Variants in GALNT3 observed in about 807,000 individuals in gnomAD.
GALNT3 encodes the protein GalNAc transferase 3.
A neutral mutation model predicts 69.8 loss-of-function variants in GALNT3; 51 were observed. The ratio of observed to expected loss-of-function variants is 0.73; its 90% CI spans 0.58 to 0.92. The LOEUF (loss-of-function observed/expected upper bound fraction) is 0.92, where lower values mean the gene tolerates loss of function less well. Ranked by LOEUF, GALNT3 falls within the 40% of genes least tolerant of loss-of-function variation. The probability of loss-of-function intolerance (pLI) is 0.00; values close to 1 mark genes in which losing one functional copy is unlikely to be tolerated. For missense variants in GALNT3, 711 were observed against 760.0 expected, an observed-to-expected ratio of 0.94 and a Z score of 0.76; for synonymous variants, 265 against 248.5, an observed-to-expected ratio of 1.07 and a Z score of -0.63.
chr2:165,793,923 G>C (rs914627414), intron 1 of GALNT3, 92 bp downstream of exon 1: 2 of 124,760 alleles, frequency 1.6e-5, no homozygotes, highest in African/African-American at 5.4e-5. Flanking sequence ...CCGTAGCCCT[G>C]TCCCCAACAC....
chr2:165,763,365 C>G (rs891861953), intron 3 of GALNT3, among the ~76,000 whole-genome samples: 1 of 152,062 alleles, frequency 6.6e-6, no homozygotes, highest in African/African-American at 2.4e-5. Flanking sequence ...GTTAAGAGAG[C>G]TGCTTATTTA....
chr2:165,770,540 C>T lies in GALNT3; in HGVS notation c.161G>A (p.Arg54Lys), dbSNP rs1489357988. ...QYSKEESRME[R>K]NMKNKNKMLD... ...CATCTTGTTTTTGTTTTTCATGTTC[C>T]TTTCCATCCTTGATTCCTCTTTGGA... Residue 54 changes from arginine (R) to lysine (K), a missense_variant, in exon 2 of 11, where the codon AGG becomes AAG. Coordinates refer to ENST00000392701, the MANE Select transcript of GALNT3 (RefSeq NM_004482.4). 2 of 1,613,962 alleles carry T rather than the reference C, an allele frequency of 1.2e-6. No homozygotes were observed. Among genetic ancestry groups the T allele is most frequent in the South Asian group, 1.1e-5 (1 of 91,056 alleles).
In GALNT3 at chr2:165,757,330, A is replaced by C. The variant is rs745875008; in HGVS notation, c.1192-83T>G. 291 of 1,328,056 alleles carry C rather than the reference A, an allele frequency of 2.2e-4. 2 individuals are homozygous for C. The highest frequency in any genetic ancestry group is 2.3e-4 in the Admixed American group (13 of 55,568). The allele number at this position is 1,328,056 out of a possible 1,614,324, so 82.3% of individuals were successfully genotyped here. On this transcript the variant is annotated intron_variant, in intron 6 of 10. Coordinates refer to ENST00000392701, the MANE Select transcript of GALNT3 (RefSeq NM_004482.4). ...CTTTTAAGTTCACCTTTAAGGTATT[A>C]TGAAAAACAAAATTAGAGAAGAGAT... is the stretch of plus-strand genomic sequence containing the variant.
intron 2 of GALNT3, among the ~76,000 whole-genome samples, chr2:165,769,481 C>T (rs1204941867): frequency 1.3e-5 from 2 of 150,452 alleles, no homozygotes; most frequent in Non-Finnish European, 3.0e-5. Context: ...GGGCCAGGTG[C>T]AATGGCTCAT....
Position 165,754,703 on chromosome 2 carries a change from C to A in GALNT3, c.1550G>T (p.Cys517Phe). The A allele has an allele frequency of 1.2e-6, 2 of 1,613,170 alleles. No homozygotes were observed. The highest frequency in any genetic ancestry group is 1.7e-6 in the Non-Finnish European group (2 of 1,179,478). The change falls in exon 9 of 11, where the codon TGT becomes TTT. Residue 517 changes from cysteine (C) to phenylalanine (F), a missense_variant. By Grantham distance (205) the Cys-to-Phe change is radical. Transcript: ENST00000392701. ...TTGATTGTTTTCTCCAACATCCAGACATAGAGGCTGACCAACGCTTTTAAT... is the reference window on the plus strand; with the variant it reads ...TTGATTGTTTTCTCCAACATCCAGAAATAGAGGCTGACCAACGCTTTTAAT... ...GYIKSVGQPL[C>F]LDVGENNQGG... is the part of the protein sequence containing the mutation.
At chr2:165,779,573 A>G (rs1017084757) in intron 1 of GALNT3, among the ~76,000 whole-genome samples, 1 of 152,202 alleles carries the variant, frequency 6.6e-6, no homozygotes, top group African/African-American at 2.4e-5. Flanking sequence ...TACTCCTTAA[A>G]TTCTGTCACA....
chr2:165,785,849 C>T (rs1047956855), intron 1 of GALNT3, among the ~76,000 whole-genome samples: 1 of 152,034 alleles, frequency 6.6e-6, no homozygotes, highest in Non-Finnish European at 1.5e-5. Context: ...TTATGTTAGA[C>T]TACATGGAAA....
intron 4 of GALNT3, among the ~76,000 whole-genome samples, chr2:165,760,629 C>A (rs1356869618): frequency 6.6e-6 from 1 of 152,150 alleles, no homozygotes; most frequent in African/African-American, 2.4e-5. Flanking sequence ...CTTTAGTGTT[C>A]TCTTCATTTT....
At chr2:165,785,073 T>A (rs1050102259) in intron 1 of GALNT3, among the ~76,000 whole-genome samples, 1 of 152,130 alleles carries the variant, frequency 6.6e-6, no homozygotes, top group African/African-American at 2.4e-5. Flanking sequence ...TATAAAAGCA[T>A]CAATCAGATG....
rs1241107715 is a variant in GALNT3 at position 165,749,824 on chromosome 2, T to C, written c.1697A>G (p.Gln566Arg). The change falls in exon 10 of 11, where the codon CAA becomes CGA. Residue 566 changes from glutamine to arginine, a missense_variant. Physicochemically the swap from Gln to Arg is conservative, Grantham distance 43 (BLOSUM62 1). Coordinates refer to ENST00000392701, the MANE Select transcript of GALNT3 (RefSeq NM_004482.4). ...IQKELCLHAA[Q>R]GLVQLKACTY... ...ACATGCCTTCAGCTGAACGAGACCT[T>C]GAGCAGCATGAAGACATAATTCCTT... 1.2e-6 allele frequency: 2 copies of C among 1,613,706 alleles called. No individual in the cohort carries two copies. Among genetic ancestry groups the C allele is most frequent in the Non-Finnish European group, 1.7e-6 (2 of 1,179,664 alleles).
At chr2:165,777,658 T>C (rs1559004959) in intron 1 of GALNT3, among the ~76,000 whole-genome samples, 1 of 152,194 alleles carries the variant, frequency 6.6e-6, no homozygotes, top group Admixed American at 6.5e-5. Context: ...CTTGGCAGCA[T>C]TTCTTCTGAG....
rs1688561442 is a variant in GALNT3 at position 165,762,066 on chromosome 2, A to C, written c.689-12T>G. The C allele has an allele frequency of 1.3e-6, 2 of 1,510,878 alleles. No individual in the cohort carries two copies. The highest frequency in any genetic ancestry group is 9.2e-7 in the Non-Finnish European group (1 of 1,087,664). The allele number at this position is 1,510,878 out of a possible 1,614,324, so 93.6% of individuals were successfully genotyped here. ...ATCATGTAAGTACTCTGTAAGGAAAAAAAATCAGGGTTAATTCTTTCTAAA... is the reference window on the plus strand; with the variant it reads ...ATCATGTAAGTACTCTGTAAGGAAACAAAATCAGGGTTAATTCTTTCTAAA... On this transcript the variant is annotated splice_polypyrimidine_tract_variant and intron_variant, in intron 3 of 10. Transcript: ENST00000392701.
At chr2:165,772,582 C>T (rs573429493) in intron 1 of GALNT3, among the ~76,000 whole-genome samples, 2 of 23,442 alleles carry the variant, frequency 8.5e-5, no homozygotes, top group Admixed American at 1.8e-3. Flanking sequence ...AAGACTCTGT[C>T]TCAAAAAAAA....
chr2:165,758,743 T>A lies in GALNT3; in HGVS notation c.1191+4A>T, dbSNP rs1381386051. ...TCTGCTATATTTAATTTCCATAAAC[T>A]TACTCTGAAAGACATTTCTATATTT... On this transcript the variant is annotated splice_donor_region_variant and intron_variant, in intron 6 of 10. Coordinates refer to ENST00000392701, the MANE Select transcript of GALNT3 (RefSeq NM_004482.4). 1.3e-6 allele frequency: 2 copies of A among 1,485,946 alleles called. No individual in the cohort carries two copies. The highest frequency in any genetic ancestry group is 1.4e-5 in the African/African-American group (1 of 72,296). The allele number at this position is 1,485,946 out of a possible 1,614,324, so 92.0% of individuals were successfully genotyped here.
intron 1 of GALNT3, among the ~76,000 whole-genome samples, chr2:165,784,948 G>T (rs1374385561): frequency 6.6e-6 from 1 of 152,128 alleles, no homozygotes; most frequent in African/African-American, 2.4e-5. Context: ...TTGTCCTCTA[G>T]AAATGAGCCC....
intron 1 of GALNT3, among the ~76,000 whole-genome samples, chr2:165,791,319 A>G (rs1683344107): frequency 6.6e-6 from 1 of 152,010 alleles, no homozygotes; most frequent in South Asian, 2.1e-4. Flanking sequence ...AAGCTGGTAG[A>G]AAAATCAGCC....
At chr2:165,750,546 C>T (rs527397538) in intron 9 of GALNT3, among the ~76,000 whole-genome samples, 1 of 152,272 alleles carries the variant, frequency 6.6e-6, no homozygotes, top group South Asian at 2.1e-4. Context: ...TCCGTGTACT[C>T]ACTTCTGTTA....
chr2:165,767,040 C>G (rs1688655399), intron 2 of GALNT3, among the ~76,000 whole-genome samples: 1 of 152,122 alleles, frequency 6.6e-6, no homozygotes, highest in Non-Finnish European at 1.5e-5. Context: ...CCTTCTTCAT[C>G]ATTCATAAAT....
intron 1 of GALNT3, among the ~76,000 whole-genome samples, chr2:165,788,296 G>A (rs370195500): frequency 1.1e-3 from 136 of 123,250 alleles, no homozygotes; most frequent in African/African-American, 3.8e-3. Flanking sequence ...CAGCCTGGGC[G>A]ATAGAGCAAG....
Sources: allele counts gnomAD v4.1 joint callset (sites outside exome capture counted in the v4.1 genomes callset), GRCh38; gene constraint gnomAD v4.1.1; transcripts MANE v1.5; gene names NCBI Gene and HGNC (gene_info 2026-07-23, HGNC 2026-07-21).